The following LPP variants were observed in gnomAD, a reference collection of about 807,000 sequenced individuals.
The protein encoded by LPP is LIM domain containing preferred translocation partner in lipoma, also known as lipoma-preferred partner.
Under a neutral mutation model 60.4 loss-of-function variants are expected in LPP, and 38 were observed. The ratio of observed to expected loss-of-function variants is 0.63; its 90% CI spans 0.49 to 0.83. LPP has a LOEUF of 0.83. Among genes scored for constraint, LPP ranks in the 40% least tolerant of loss-of-function variants. The probability of loss-of-function intolerance (pLI) is 0.00; values close to 1 mark genes in which losing one functional copy is unlikely to be tolerated. For synonymous variants in LPP, 328 were observed against 290.8 expected (o/e 1.13, Z -1.30); for missense variants, 902 against 783.6 (o/e 1.15, Z -1.80).
chr3:188,539,891 ACTCTCATTCT>A (rs1824684605), intron 6 of LPP, among the ~76,000 whole-genome samples: 1 of 152,068 alleles, frequency 6.6e-6, no homozygotes, highest in Non-Finnish European at 1.5e-5. Flanking sequence ...AACTCCAAGA[ACTCTCATTCT>A]TGGAGTTTTC....
chr3:188,810,427 A>T (rs1750566017), intron 9 of LPP, among the ~76,000 whole-genome samples: 1 of 152,086 alleles, frequency 6.6e-6, no homozygotes, highest in Non-Finnish European at 1.5e-5. Flanking sequence ...ACTACATTAC[A>T]ATAGTCATGT....
intron 9 of LPP, among the ~76,000 whole-genome samples, chr3:188,820,580 C>T (rs1325463661): frequency 1.3e-5 from 2 of 152,148 alleles, no homozygotes; most frequent in Non-Finnish European, 2.9e-5. Flanking sequence ...TTTGCTTCTC[C>T]TCACTATAGC....
At chr3:188,727,040 A>G (rs1718677860) in intron 8 of LPP, among the ~76,000 whole-genome samples, 1 of 152,178 alleles carries the variant, frequency 6.6e-6, no homozygotes, top group South Asian at 2.1e-4. Context: ...ATTCAAGGAC[A>G]CACAGGTAGG....
chr3:188,842,778 A>G (rs1024944319), intron 9 of LPP, among the ~76,000 whole-genome samples: 21 of 151,922 alleles, frequency 1.4e-4, no homozygotes, highest in Admixed American at 3.9e-4. Context: ...CCTAATTTAC[A>G]TGCAATGAGA....
chr3:188,524,581 C>G (rs1819920751), intron 5 of LPP, 84 bp from the exon 6 acceptor site: 1 of 1,423,178 alleles, frequency 7.0e-7, no homozygotes, highest in Admixed American at 2.4e-5. Flanking sequence ...TTGGACAAAG[C>G]CACATTATAA....
intron 3 of LPP, among the ~76,000 whole-genome samples, chr3:188,390,078 T>G (rs1779337600): frequency 6.6e-6 from 1 of 152,202 alleles, no homozygotes; most frequent in Admixed American, 6.5e-5. Flanking sequence ...AGATTCTGAC[T>G]GTTATTATTA....
At chr3:188,751,300 G>A (rs1473759339) in intron 8 of LPP, among the ~76,000 whole-genome samples, 1 of 152,188 alleles carries the variant, frequency 6.6e-6, no homozygotes, top group Non-Finnish European at 1.5e-5. Context: ...CCACGGGAGA[G>A]ATCACGGAGC....
At chr3:188,185,424 C>A (rs1214026756) in intron 1 of LPP, among the ~76,000 whole-genome samples, 1 of 151,318 alleles carries the variant, frequency 6.6e-6, no homozygotes, top group Non-Finnish European at 1.5e-5. Context: ...CCCTATATAC[C>A]CCACAGTTTA....
intron 7 of LPP, among the ~76,000 whole-genome samples, chr3:188,647,623 A>G (rs930798260): frequency 2.8e-4 from 43 of 152,258 alleles, no homozygotes; most frequent in African/African-American, 9.9e-4. Context: ...GAGTGCATTC[A>G]CATTAGTCCT....
At chr3:188,213,334 G>C (rs1712055607) in intron 1 of LPP, among the ~76,000 whole-genome samples, 1 of 152,218 alleles carries the variant, frequency 6.6e-6, no homozygotes, top group Non-Finnish European at 1.5e-5. Flanking sequence ...GTCCTGCAGA[G>C]TTTTCAGCAC....
chr3:188,159,150 A>T (rs1343632101), intron 1 of LPP, among the ~76,000 whole-genome samples: 1 of 141,830 alleles, frequency 7.1e-6, no homozygotes, highest in African/African-American at 2.6e-5. Flanking sequence ...AGAGTGGGGA[A>T]GTGACAGTCT....
intron 9 of LPP, among the ~76,000 whole-genome samples, chr3:188,795,241 G>A (rs1027780388): frequency 2.6e-5 from 4 of 152,150 alleles, no homozygotes; most frequent in African/African-American, 9.7e-5. Context: ...AAAAATACAC[G>A]TGATTTTCTT....
intron 6 of LPP, among the ~76,000 whole-genome samples, chr3:188,607,374 T>G (rs865906039): frequency 0.14 from 1,259 of 9,188 alleles, 30 homozygotes; most frequent in African/African-American, 0.27. Flanking sequence ...ATAGAAGATA[T>G]ATATATATAT....
intron 2 of LPP, among the ~76,000 whole-genome samples, chr3:188,325,794 T>C (rs1252930582): frequency 1.3e-5 from 2 of 152,198 alleles, no homozygotes; most frequent in Non-Finnish European, 2.9e-5. Context: ...ATCAGCTTCT[T>C]GAGAGCAGGG....
intron 7 of LPP, among the ~76,000 whole-genome samples, chr3:188,703,982 C>T (rs1032152003): frequency 6.6e-6 from 1 of 152,160 alleles, no homozygotes; most frequent in African/African-American, 2.4e-5. Context: ...AGGGTCCATC[C>T]TAAGACTGAA....
chr3:188,880,514 G>C lies in LPP; in HGVS notation c.*6035G>C, dbSNP rs1769840954. 5.3e-6 allele frequency: 1 copy of C among 188,926 alleles called. No individual in the cohort carries two copies. Among genetic ancestry groups the C allele is most frequent in the African/African-American group, 2.3e-5 (1 of 42,968 alleles). The allele number at this position is 188,926 out of a possible 1,614,324, so 11.7% of individuals were successfully genotyped here. On this transcript the variant is annotated 3_prime_UTR_variant, in exon 12 of 12. Transcript: ENST00000617246. ...ATTCTACAAACACCTACATATACTA[G>C]AGAGGGGTGAAACACTGCAGCTAAT...
At position 188,825,281 on chromosome 3, in the gene LPP, G is replaced by C. The variant is rs1315827687; in HGVS notation, c.1411-40919G>C. On this transcript the variant is annotated intron_variant, in intron 9 of 11. Coordinates refer to ENST00000617246, the MANE Select transcript of LPP (RefSeq NM_001375462.1). ...TCTCTCTCTCTCTCTGTGTGTGTGT[G>C]TGTGTGTGTGTGTGTGTGTGTGTGT... 1.2e-3 allele frequency among the ~76,000 whole-genome samples: 174 copies of C among 140,136 alleles called. 1 individual carries two copies. The highest frequency in any genetic ancestry group is 2.9e-3 in the African/African-American group (94 of 32,708). 91.9% of individuals were successfully genotyped at this position (140,136 alleles called of 152,430 possible). A position where few individuals can be genotyped will look rare whatever the true frequency, so the allele number is the denominator to read the frequency against.
At chr3:188,556,970 C>T (rs1047232259) in intron 6 of LPP, among the ~76,000 whole-genome samples, 2 of 152,018 alleles carry the variant, frequency 1.3e-5, no homozygotes, top group Non-Finnish European at 2.9e-5. Flanking sequence ...AATTATTTCA[C>T]AGGCATGACC....
intron 2 of LPP, among the ~76,000 whole-genome samples, chr3:188,226,288 T>A (rs1717737207): frequency 6.6e-6 from 1 of 152,068 alleles, no homozygotes; most frequent in Admixed American, 6.6e-5. Context: ...GGATTATAGG[T>A]GTGAGCCACT....
Sources: allele counts gnomAD v4.1 joint callset (sites outside exome capture counted in the v4.1 genomes callset), GRCh38; gene constraint gnomAD v4.1.1; transcripts MANE v1.5; gene names NCBI Gene and HGNC (gene_info 2026-07-23, HGNC 2026-07-21).